VTA1: variants seen among roughly 807,000 people sequenced by gnomAD.
VTA1 encodes vacuolar protein sorting-associated protein VTA1 homolog.
Under a neutral mutation model 36.9 loss-of-function variants are expected in VTA1, and 24 were observed. That is an observed-to-expected ratio of 0.65 (90% confidence interval 0.47 to 0.91). The LOEUF (loss-of-function observed/expected upper bound fraction) is 0.91. Ranked by LOEUF, VTA1 falls within the 40% of genes least tolerant of loss-of-function variation. The pLI, the probability that VTA1 is intolerant of heterozygous loss-of-function variation, is 0.00. For missense variants in VTA1, 393 were observed against 377.2 expected (o/e 1.04, Z -0.35); for synonymous variants, 142 against 130.2 (o/e 1.09, Z -0.62).
At chr6:142,148,832 A>G (rs1018841017) in intron 1 of VTA1, among the ~76,000 whole-genome samples, 1 of 152,168 alleles carries the variant, frequency 6.6e-6, no homozygotes, top group African/African-American at 2.4e-5. Flanking sequence ...TCTGGGAAAG[A>G]GTATTCTCCA....
At chr6:142,189,833 T>C (rs1359348377) in intron 5 of VTA1, among the ~76,000 whole-genome samples, 2 of 152,106 alleles carry the variant, frequency 1.3e-5, no homozygotes, top group African/African-American at 2.4e-5. Context: ...CTCTGCTCAC[T>C]GGGAGCTCCG....
At chr6:142,164,739 A>G (rs972087665) in intron 1 of VTA1, among the ~76,000 whole-genome samples, 3 of 152,302 alleles carry the variant, frequency 2.0e-5, no homozygotes, top group African/African-American at 4.8e-5. Context: ...GTTGGGCCCT[A>G]TTATCCCATG....
intron 1 of VTA1, among the ~76,000 whole-genome samples, chr6:142,159,869 C>T (rs912758515): frequency 1.7e-4 from 26 of 152,068 alleles, no homozygotes; most frequent in African/African-American, 6.3e-4. Context: ...TATTCCATTT[C>T]TCCTTTCTAT....
intron 4 of VTA1, among the ~76,000 whole-genome samples, chr6:142,182,582 A>C (rs753666429): frequency 6.6e-6 from 1 of 152,054 alleles, no homozygotes; most frequent in Non-Finnish European, 1.5e-5. Flanking sequence ...TAACAGTTTC[A>C]TTGGCAGAGT....
intron 6 of VTA1, among the ~76,000 whole-genome samples, chr6:142,200,521 ACT>A (rs1345731812): frequency 6.6e-6 from 1 of 151,942 alleles, no homozygotes; most frequent in Non-Finnish European, 1.5e-5. Flanking sequence ...ATATAGGTAC[ACT>A]CTATGAGTAT....
At chr6:142,216,764 G>A (rs1317276604) in intron 7 of VTA1, among the ~76,000 whole-genome samples, 1 of 152,124 alleles carries the variant, frequency 6.6e-6, no homozygotes, top group African/African-American at 2.4e-5. Context: ...TAAGTGATAT[G>A]TCAGCCAAAC....
At chr6:142,151,472 C>T (rs1336218759) in intron 1 of VTA1, among the ~76,000 whole-genome samples, 2 of 152,138 alleles carry the variant, frequency 1.3e-5, no homozygotes, top group Non-Finnish European at 2.9e-5. Context: ...ATGAGAGTAC[C>T]TTGTTTCATC....
intron 4 of VTA1, among the ~76,000 whole-genome samples, chr6:142,181,875 T>A (rs1429739583): frequency 1.3e-5 from 2 of 152,208 alleles, no homozygotes; most frequent in Non-Finnish European, 1.5e-5. Flanking sequence ...ATAAAAGGAT[T>A]AAAATGTTGA....
In VTA1 at chr6:142,166,799, A is replaced by G. The variant is rs1266599868; in HGVS notation, c.207+477A>G. ...AAACGCGCCCGGCTAGTTTTTTTGT[A>G]TATTTTGGTAGAGATGGAGTTTGAC... On this transcript the variant is annotated intron_variant, in intron 2 of 7. Coordinates refer to ENST00000367630, the MANE Select transcript of VTA1 (RefSeq NM_016485.5). Among the ~76,000 whole-genome samples, 4 of 151,894 alleles carry G rather than the reference A, an allele frequency of 2.6e-5. No individual in the cohort carries two copies. In the East Asian group the frequency reaches 7.7e-4, roughly 29 times the overall value.
At chr6:142,152,171 C>T (rs1003835112) in intron 1 of VTA1, among the ~76,000 whole-genome samples, 1 of 151,826 alleles carries the variant, frequency 6.6e-6, no homozygotes, top group Non-Finnish European at 1.5e-5. Flanking sequence ...ATCCTTTCTG[C>T]ATCCTACAAT....
chr6:142,185,008 T>C (rs1001966648), intron 4 of VTA1, among the ~76,000 whole-genome samples: 4 of 152,108 alleles, frequency 2.6e-5, no homozygotes, highest in African/African-American at 9.7e-5. Flanking sequence ...TTATCTTTAT[T>C]CTCCAAGTAT....
At chr6:142,183,802 C>T (rs1045142549) in intron 4 of VTA1, among the ~76,000 whole-genome samples, 2 of 152,076 alleles carry the variant, frequency 1.3e-5, no homozygotes, top group African/African-American at 4.8e-5. Context: ...ATAGTATATG[C>T]AGCAGTTTGT....
intron 4 of VTA1, among the ~76,000 whole-genome samples, chr6:142,179,367 G>T (rs900364877): frequency 2.0e-5 from 3 of 151,436 alleles, no homozygotes; most frequent in Non-Finnish European, 4.4e-5. Context: ...TTCCTATTCT[G>T]GTTTTTATCC....
At chr6:142,152,439 A>G (rs1391827668) in intron 1 of VTA1, among the ~76,000 whole-genome samples, 4 of 152,134 alleles carry the variant, frequency 2.6e-5, no homozygotes, top group African/African-American at 9.7e-5. Context: ...AACATGGGAA[A>G]AACTGGGATT....
intron 1 of VTA1, among the ~76,000 whole-genome samples, chr6:142,149,590 C>T (rs923869096): frequency 6.6e-6 from 1 of 152,094 alleles, no homozygotes; most frequent in African/African-American, 2.4e-5. Context: ...ACAGTCTTGT[C>T]TTAATAATGT....
intron 4 of VTA1, among the ~76,000 whole-genome samples, chr6:142,174,069 A>G (rs1775073475): frequency 6.6e-6 from 1 of 152,174 alleles, no homozygotes; most frequent in South Asian, 2.1e-4. Flanking sequence ...GATCCCACAC[A>G]CAGTCCCACC....
chr6:142,195,783 T>C (rs766494719), intron 5 of VTA1, among the ~76,000 whole-genome samples: 9 of 152,010 alleles, frequency 5.9e-5, no homozygotes, highest in Non-Finnish European at 1.2e-4. Context: ...TGATTTCTTC[T>C]TTGAGTAATG....
intron 4 of VTA1, among the ~76,000 whole-genome samples, chr6:142,187,511 C>A (rs1775362051): frequency 6.6e-6 from 1 of 152,118 alleles, no homozygotes; most frequent in Admixed American, 6.6e-5. Context: ...TATTCAAATT[C>A]CCTGACCTTT....
At chr6:142,163,188 A>T (rs1347012066) in intron 1 of VTA1, among the ~76,000 whole-genome samples, 1 of 152,016 alleles carries the variant, frequency 6.6e-6, no homozygotes, top group East Asian at 1.9e-4. Flanking sequence ...GTCATCAGGG[A>T]CCCCAGCTGA....
Sources: gnomAD v4.1 joint callset for allele counts (sites outside exome capture counted in the v4.1 genomes callset) on GRCh38, gnomAD v4.1.1 for gene constraint, MANE v1.5 for transcripts, NCBI Gene and HGNC (gene_info 2026-07-23, HGNC 2026-07-21) for gene names.